The following DSCAM variants were observed in gnomAD, a reference collection of about 807,000 sequenced individuals.
DSCAM encodes DS cell adhesion molecule.
In DSCAM, 47 loss-of-function variants were observed where a neutral mutation model predicts 217.7. That is an observed-to-expected ratio of 0.22 (90% CI 0.17 to 0.28). DSCAM has a LOEUF of 0.28. Among genes scored for constraint, DSCAM ranks in the 10% least tolerant of loss-of-function variants. The pLI is 1.00. For missense variants in DSCAM, 2,080 were observed against 2,618.3 expected, an observed-to-expected ratio of 0.79 and a Z score of 4.49; for synonymous variants, 1,056 against 1,015.3, an observed-to-expected ratio of 1.04 and a Z score of -0.76.
Position 40,585,179 on chromosome 21 carries a change from C to CTTTCTT in DSCAM, c.508+107630_508+107631insAAGAAA, listed in dbSNP as rs371140909. On this transcript the variant is annotated intron_variant, in intron 3 of 32. Coordinates refer to ENST00000400454, the MANE Select transcript of DSCAM (RefSeq NM_001389.5). ...GTAGAACCGCGAGACAAATCAACTTCTTTTTTTTTTTTTTTACAACTTACC... is the reference window on the plus strand; with the variant it reads ...GTAGAACCGCGAGACAAATCAACTTCTTTCTTTTTTTTTTTTTTTTTACAACTTACC... 3.2e-4 allele frequency among the ~76,000 whole-genome samples: 46 copies of CTTTCTT among 145,928 alleles called. 6 individuals are homozygous for CTTTCTT. Among genetic ancestry groups the CTTTCTT allele is most frequent in the East Asian group, 4.1e-4 (2 of 4,922 alleles).
chr21:40,234,211 G>T (rs2091406163), intron 11 of DSCAM, among the ~76,000 whole-genome samples: 1 of 152,218 alleles, frequency 6.6e-6, no homozygotes, highest in Admixed American at 6.5e-5. Context: ...CCTGGGTCAA[G>T]GTAAATTTGA....
intron 11 of DSCAM, among the ~76,000 whole-genome samples, chr21:40,242,278 C>T (rs1032871381): frequency 6.6e-6 from 1 of 151,984 alleles, no homozygotes; most frequent in African/African-American, 2.4e-5. Flanking sequence ...CTGTGGTGAT[C>T]GTGAGTGCTG....
chr21:40,562,380 T>C (rs964327523), intron 3 of DSCAM, among the ~76,000 whole-genome samples: 1 of 152,208 alleles, frequency 6.6e-6, no homozygotes, highest in Admixed American at 6.5e-5. Context: ...TTAAGTTTCC[T>C]GGGGCCTCCC....
intron 20 of DSCAM, among the ~76,000 whole-genome samples, chr21:40,116,743 C>A (rs2089975331): frequency 6.6e-6 from 1 of 151,262 alleles, no homozygotes; most frequent in Admixed American, 6.6e-5. Flanking sequence ...TGGCTCACGC[C>A]TGTAATCCCA....
At chr21:40,839,926 T>C (rs2092086648) in intron 1 of DSCAM, among the ~76,000 whole-genome samples, 2 of 152,222 alleles carry the variant, frequency 1.3e-5, no homozygotes, top group Non-Finnish European at 2.9e-5. Context: ...TCTTGACATA[T>C]ATCTTCTCAA....
chr21:40,132,529 C>G (rs749525877), intron 19 of DSCAM, among the ~76,000 whole-genome samples: 4 of 152,202 alleles, frequency 2.6e-5, no homozygotes, highest in Non-Finnish European at 5.9e-5. Context: ...CTGACACCTG[C>G]ACATTCCCTG....
intron 11 of DSCAM, among the ~76,000 whole-genome samples, chr21:40,218,585 T>C (rs2091263942): frequency 6.6e-6 from 1 of 152,110 alleles, no homozygotes; most frequent in Admixed American, 6.6e-5. Context: ...ATTTTGGCAG[T>C]ACCATTTTAA....
intron 3 of DSCAM, among the ~76,000 whole-genome samples, chr21:40,612,135 G>A (rs73368947): frequency 0.024 from 3,653 of 152,252 alleles, 119 homozygotes; most frequent in East Asian, 0.092. Flanking sequence ...AAGGTTGTAC[G>A]CTTAGAGGGT....
chr21:40,029,089 A>ATTCT (rs2088464945), intron 32 of DSCAM, among the ~76,000 whole-genome samples: 2 of 152,188 alleles, frequency 1.3e-5, no homozygotes. Context: ...AAAATTCTCT[A>ATTCT]TTCTTTTGAG....
chr21:40,644,557 T>A (rs1422437199), intron 3 of DSCAM, among the ~76,000 whole-genome samples: 2 of 152,138 alleles, frequency 1.3e-5, no homozygotes, highest in Non-Finnish European at 2.9e-5. Flanking sequence ...CAGCCTCTGA[T>A]TGGTGGTGGG....
At chr21:40,689,305 C>G (rs2146443618) in intron 3 of DSCAM, among the ~76,000 whole-genome samples, 1 of 152,334 alleles carries the variant, frequency 6.6e-6, no homozygotes, top group Admixed American at 6.5e-5. Flanking sequence ...TCACAGAAAC[C>G]CAAAGCTCAT....
intron 9 of DSCAM, among the ~76,000 whole-genome samples, chr21:40,305,389 C>CATA (rs766752825): frequency 0.019 from 1,281 of 68,552 alleles, 20 homozygotes; most frequent in African/African-American, 0.05. Flanking sequence ...GATCCCGTCT[C>CATA]AAAAAAAAAA....
intron 3 of DSCAM, among the ~76,000 whole-genome samples, chr21:40,488,728 A>G (rs746464328): frequency 1.6e-4 from 24 of 152,180 alleles, no homozygotes; most frequent in East Asian, 3.9e-4. Context: ...TTATTTCACT[A>G]TTGTCTTTTC....
intron 3 of DSCAM, among the ~76,000 whole-genome samples, chr21:40,546,973 A>T (rs1245408235): frequency 2.0e-5 from 3 of 152,078 alleles, no homozygotes; most frequent in Non-Finnish European, 4.4e-5. Context: ...TATTGGGGGC[A>T]AGGGGGCTGA....
At chr21:40,609,043 C>T (rs2089279281) in intron 3 of DSCAM, among the ~76,000 whole-genome samples, 1 of 152,186 alleles carries the variant, frequency 6.6e-6, no homozygotes, top group African/African-American at 2.4e-5. Flanking sequence ...CAGCCTCGAG[C>T]TCCTGGGCTC....
At chr21:40,474,305 T>C (rs1040119252) in intron 3 of DSCAM, among the ~76,000 whole-genome samples, 5 of 132,380 alleles carry the variant, frequency 3.8e-5, no homozygotes, top group East Asian at 4.3e-4. Flanking sequence ...AAAATATATA[T>C]AATAAATATT....
chr21:40,259,280 T>C lies in DSCAM; in HGVS notation c.2356+16817A>G, dbSNP rs901925062. Reference sequence around the variant, plus strand: ...TGATCTCCTCTTTAATGAACTCTTTTTTTTTTTTTACCCCAGCAGTGTCAT... The same window carrying C: ...TGATCTCCTCTTTAATGAACTCTTTCTTTTTTTTTACCCCAGCAGTGTCAT... On this transcript the variant is annotated intron_variant, in intron 11 of 32. Coordinates refer to ENST00000400454, the MANE Select transcript of DSCAM (RefSeq NM_001389.5). Among the ~76,000 whole-genome samples, 4 of 152,158 alleles carry C rather than the reference T, an allele frequency of 2.6e-5. No homozygotes were observed. The South Asian group carries it at 8.3e-4, about 32-fold the overall frequency.
At position 40,012,886 on chromosome 21, in the gene DSCAM, T is replaced by C. The variant is rs2088082844; in HGVS notation, c.*148A>G. Reference sequence around the variant, plus strand: ...AAAAAGCAGGAGAGTCTTTGCACTGTCTGTGGTTTCAGTATTTTCTCTTTT... The same window carrying C: ...AAAAAGCAGGAGAGTCTTTGCACTGCCTGTGGTTTCAGTATTTTCTCTTTT... On this transcript the variant is annotated 3_prime_UTR_variant, in exon 33 of 33. Coordinates refer to ENST00000400454, the MANE Select transcript of DSCAM (RefSeq NM_001389.5). 1 of 584,314 alleles carries C rather than the reference T, an allele frequency of 1.7e-6. No individual in the cohort carries two copies. The highest frequency in any genetic ancestry group is 4.4e-5 in the Admixed American group (1 of 22,918). The allele number at this position is 584,314 out of a possible 1,614,324, so 36.2% of individuals were successfully genotyped here.
intron 3 of DSCAM, among the ~76,000 whole-genome samples, chr21:40,620,928 G>C (rs1297305471): frequency 6.6e-6 from 1 of 152,204 alleles, no homozygotes; most frequent in Non-Finnish European, 1.5e-5. Context: ...ACTGATGCGT[G>C]TGACGACATT....
Sources: gnomAD v4.1 joint callset for allele counts (sites outside exome capture counted in the v4.1 genomes callset) on GRCh38, gnomAD v4.1.1 for gene constraint, MANE v1.5 for transcripts, NCBI Gene and HGNC (gene_info 2026-07-23, HGNC 2026-07-21) for gene names.